ANKDD1A: variants seen among roughly 807,000 people sequenced by gnomAD.
The protein encoded by ANKDD1A is ankyrin repeat and death domain-containing protein 1A.
A neutral mutation model predicts 63.5 loss-of-function variants in ANKDD1A; 59 were observed. That is an observed-to-expected ratio of 0.93 (90% CI 0.75 to 1.15). ANKDD1A has a LOEUF of 1.15. Among genes scored for constraint, ANKDD1A ranks in the 50% most tolerant of loss-of-function variants. The pLI is 0.00. For missense variants in ANKDD1A, 632 were observed against 656.4 expected (o/e 0.96, Z 0.41); for synonymous variants, 266 against 263.9 (o/e 1.01, Z -0.08).
intron 14 of ANKDD1A, among the ~76,000 whole-genome samples, chr15:64,954,025 TTTTCTTTCTTCTTCCTCTTC>T (rs2085370594): frequency 1.5e-5 from 2 of 129,998 alleles, no homozygotes; most frequent in Non-Finnish European, 1.6e-5. Flanking sequence ...TTTCCTCTTC[TTTTCTTTCTTCTTCCTCTTC>T]TTCTTTTCTC....
chr15:64,942,684 T>C, intron 10 of ANKDD1A, 119 bp downstream of exon 10: 2 of 721,496 alleles, frequency 2.8e-6, no homozygotes, highest in East Asian at 6.0e-5. Context: ...TTTTTTTTTT[T>C]TTTTTTAGCT....
chr15:64,957,133 C>T lies in ANKDD1A; in HGVS notation c.1514C>T (p.Thr505Met), dbSNP rs139045607. 4.5e-6 allele frequency: 2 copies of T among 441,036 alleles called. No homozygotes were observed. Among genetic ancestry groups the T allele is most frequent in the African/African-American group, 2.1e-5 (1 of 48,778 alleles). 27.3% of individuals were successfully genotyped at this position (441,036 alleles called of 1,614,324 possible). A position where few individuals can be genotyped will look rare whatever the true frequency, so the allele number is the denominator to read the frequency against. The change falls in exon 15 of 15, where the codon ACG becomes ATG. Residue 505 changes from threonine to methionine, a missense_variant. Coordinates refer to ENST00000319580, the MANE Select transcript of ANKDD1A (RefSeq NM_182703.6). ...GWSTMARSQL[T>M]ATSASRVQMI... is the part of the protein sequence containing the mutation. ...AGTACAATGGCGAGATCTCAGCTCA[C>T]GGCAACCTCCGCCTCCCGGGTTCAA...
rs753374670 is a variant in ANKDD1A at position 64,934,156 on chromosome 15, C to T, written c.789C>T (p.His263=). 151 of 1,610,508 alleles carry T rather than the reference C, an allele frequency of 9.4e-5. 5 individuals carry two copies. The South Asian group carries it at 1.6e-3, about 17-fold the overall frequency. The stretch of plus-strand genomic sequence containing the variant: ...TCTAGAAAAACCTAAGCTGCCTTCA[C>T]TATGCAGCCCTCAGTGGCTCGGAGG... ...ALTQKNLSCL[H]YAALSGSEDV... Residue 263 remains histidine, a synonymous_variant, in exon 9 of 15, where the codon CAC becomes CAT. Transcript: ENST00000319580.
In ANKDD1A at chr15:64,943,513, A is replaced by G. The variant is rs1193048968; in HGVS notation, c.996A>G (p.Ala332=). 6.2e-7 allele frequency: 1 copy of G among 1,614,218 alleles called. No homozygotes were observed. The highest frequency in any genetic ancestry group is 2.2e-5 in the East Asian group (1 of 44,888). Residue 332 remains alanine (A), a synonymous_variant, in exon 11 of 15, where the codon GCA becomes GCG. Transcript: ENST00000319580. ...AGCAGACGCCCCTTCACCTGGCTGC[A>G]GAGCACGCCTGGCAGGACATAGCAG... The part of the protein sequence containing the change: ...NRQQTPLHLA[A]EHAWQDIADM...
chr15:64,935,507 C>T (rs1377712078), intron 9 of ANKDD1A, among the ~76,000 whole-genome samples: 1 of 151,976 alleles, frequency 6.6e-6, no homozygotes, highest in African/African-American at 2.4e-5. Flanking sequence ...AACCCCATCT[C>T]TACTAAAAAT....
intron 14 of ANKDD1A, 139 bp from the exon 15 acceptor site, chr15:64,956,964 T>A: frequency 2.8e-6 from 1 of 360,698 alleles, no homozygotes; most frequent in Admixed American, 3.6e-5. Flanking sequence ...TAAGTTATAT[T>A]TAATCAGCAT....
chr15:64,916,382 T>C (rs1994337), intron 2 of ANKDD1A, among the ~76,000 whole-genome samples: 45,112 of 150,696 alleles, frequency 0.3, 7,801 homozygotes, highest in East Asian at 0.69. Context: ...TGGAGTGCAG[T>C]GGAGCAATCA....
At chr15:64,953,536 C>CCT (rs2085344729) in intron 14 of ANKDD1A, among the ~76,000 whole-genome samples, 1 of 8,246 alleles carries the variant, frequency 1.2e-4, no homozygotes. Context: ...TTCTTCTCCT[C>CCT]TCCTTCTTCC....
intron 14 of ANKDD1A, chr15:64,951,434 TTC>T (rs761103499): frequency 6.9e-5 from 10 of 145,198 alleles, no homozygotes; most frequent in African/African-American, 2.4e-4. Flanking sequence ...TTTCTTCTTT[TTC>T]TTTCTTCTTC....
Position 64,934,095 on chromosome 15 carries a change from G to T in ANKDD1A, c.769-41G>T. On this transcript the variant is annotated intron_variant, in intron 8 of 14. Coordinates refer to ENST00000319580, the MANE Select transcript of ANKDD1A (RefSeq NM_182703.6). ...AAGAGCTTTGCAAACCTCAGTAGGA[G>T]GGGTCCTTGTGATAACGCATTGATG... 3 of 1,536,316 alleles carry T rather than the reference G, an allele frequency of 2.0e-6. No individual in the cohort carries two copies. In the Admixed American group the frequency reaches 5.3e-5, roughly 27 times the overall value.
At chr15:64,930,785 T>C (rs1380945366) in intron 6 of ANKDD1A, 37 bp from the exon 7 acceptor site, 1 of 1,590,156 alleles carries the variant, frequency 6.3e-7, no homozygotes, top group South Asian at 1.1e-5. Context: ...TGGGACTCTC[T>C]GGTCTGCTGG....
rs201773834 is a variant in ANKDD1A at position 64,917,472 on chromosome 15, C to T, written c.225C>T (p.Asp75=). 1.7e-3 allele frequency: 2,649 copies of T among 1,600,868 alleles called. 2 individuals carry two copies. The highest frequency in any genetic ancestry group is 1.9e-3 in the Non-Finnish European group (2,196 of 1,174,180). Residue 75 remains aspartate (D), a synonymous_variant, in exon 3 of 15, where the codon GAC becomes GAT. Transcript: ENST00000319580. ...TTCTGGAGCACGAGGCTGCTGTGGACGAGGAGGATGCGGTAGGGGCCCTCA... is the reference window on the plus strand; with the variant it reads ...TTCTGGAGCACGAGGCTGCTGTGGATGAGGAGGATGCGGTAGGGGCCCTCA... The part of the protein sequence containing the change: ...RLLLEHEAAV[D]EEDAVGALTE...
In ANKDD1A at chr15:64,930,869, T is replaced by C. The variant is rs752909087; in HGVS notation, c.618T>C (p.Ala206=). 4 of 1,613,218 alleles carry C rather than the reference T, an allele frequency of 2.5e-6. No individual in the cohort carries two copies. Among genetic ancestry groups the C allele is most frequent in the Non-Finnish European group, 3.4e-6 (4 of 1,179,998 alleles). The stretch of plus-strand genomic sequence containing the variant: ...TGGCTGCTGGTCGGGGCCATATGGC[T>C]GTGCTGCAGCGACTTGTGGACATCG... ...LHLAAGRGHM[A]VLQRLVDIGL... is the part of the protein sequence containing the mutation. The change falls in exon 7 of 15, where the codon GCT becomes GCC. Residue 206 remains alanine (A), a synonymous_variant. Transcript: ENST00000319580.
In ANKDD1A at chr15:64,915,871, AG is replaced by A; in HGVS notation, c.111del (p.Arg38GlyfsTer43). ...CGGCAGGATGCAGGAGCTGATTGGG[AG>A]GAGGGTTAACACCAGGGCCAGAAAC... ...NVGRMQELIG[R>X]RVNTRARNHV... On this transcript the variant is annotated frameshift_variant, in exon 2 of 15. Transcript: ENST00000319580. LOFTEE classifies it high-confidence loss of function. 1.2e-6 allele frequency: 2 copies of A among 1,613,930 alleles called. No homozygotes were observed. The highest frequency in any genetic ancestry group is 1.7e-6 in the Non-Finnish European group (2 of 1,179,928).
chr15:64,953,461 TTCTTCTTCTTCC>T (rs2085340723), intron 14 of ANKDD1A, among the ~76,000 whole-genome samples: 1 of 10,904 alleles, frequency 9.2e-5, no homozygotes, highest in African/African-American at 1.1e-4. Context: ...TCTTCTCTCC[TTCTTCTTCTTCC>T]TCTTCCTTCT....
At chr15:64,951,458 TTTTC>T (rs2085274750) in intron 14 of ANKDD1A, 4 of 33,176 alleles carry the variant, frequency 1.2e-4, no homozygotes, top group African/African-American at 2.6e-4. Context: ...CTTTCTTTTC[TTTTC>T]TCTTTTTTCT....
chr15:64,929,276 C>G (rs1443687385), intron 6 of ANKDD1A, among the ~76,000 whole-genome samples: 1 of 152,124 alleles, frequency 6.6e-6, no homozygotes, highest in African/African-American at 2.4e-5. Flanking sequence ...CATGCTCAAG[C>G]AATCCTCCTG....
chr15:64,917,482 G>A lies in ANKDD1A; in HGVS notation c.235G>A (p.Ala79Thr). ...CGAGGCTGCTGTGGACGAGGAGGAT[G>A]CGGTAGGGGCCCTCACAGAGGCACG... ...EHEAAVDEED[A>T]VGALTEARLC... The change falls in exon 3 of 15, where the codon GCG becomes ACG. Residue 79 changes from alanine to threonine, a missense_variant. By Grantham distance (58) the Ala-to-Thr change is moderately conservative. Coordinates refer to ENST00000319580, the MANE Select transcript of ANKDD1A (RefSeq NM_182703.6). The A allele has an allele frequency of 6.3e-7, 1 of 1,594,282 alleles. No individual in the cohort carries two copies. Among genetic ancestry groups the A allele is most frequent in the Non-Finnish European group, 8.5e-7 (1 of 1,170,786 alleles).
chr15:64,920,464 A>C (rs2085000101), intron 3 of ANKDD1A, among the ~76,000 whole-genome samples: 1 of 152,192 alleles, frequency 6.6e-6, no homozygotes, highest in African/African-American at 2.4e-5. Context: ...TTCTAACAGA[A>C]GCCAGTGTTT....
Sources: allele counts gnomAD v4.1 joint callset (sites outside exome capture counted in the v4.1 genomes callset), GRCh38; gene constraint gnomAD v4.1.1; transcripts MANE v1.5; gene names NCBI Gene and HGNC (gene_info 2026-07-23, HGNC 2026-07-21).